The following MSRA variants were observed in gnomAD, a reference collection of about 807,000 sequenced individuals.
MSRA encodes the protein mitochondrial peptide methionine sulfoxide reductase.
A neutral mutation model predicts 31.3 loss-of-function variants in MSRA; 54 were observed. The observed-to-expected ratio is 1.73, with a 90% CI of 1.39 to 2.17. MSRA has a LOEUF of 2.17. MSRA is among the 30% of genes most tolerant of loss of function. MSRA has a pLI of 0.00. For missense variants in MSRA, 507 were observed against 300.9 expected (o/e 1.69, Z -5.07); for synonymous variants, 169 against 116.5 (o/e 1.45, Z -2.90).
intron 3 of MSRA, among the ~76,000 whole-genome samples, chr8:10,260,502 A>G (rs1479984761): frequency 2.0e-5 from 3 of 152,200 alleles, no homozygotes; most frequent in African/African-American, 7.2e-5. Flanking sequence ...ACAGGCACAG[A>G]TGGACTGGTC....
chr8:10,182,424 T>C (rs1006316152), intron 1 of MSRA, among the ~76,000 whole-genome samples: 7 of 152,102 alleles, frequency 4.6e-5, no homozygotes, highest in African/African-American at 1.7e-4. Context: ...CTCAGCTGGG[T>C]CCTCTACTTC....
At chr8:10,081,117 C>T (rs1798271398) in intron 1 of MSRA, among the ~76,000 whole-genome samples, 2 of 152,206 alleles carry the variant, frequency 1.3e-5, no homozygotes, top group Non-Finnish European at 2.9e-5. Flanking sequence ...GTCTGGGCTG[C>T]ACACGTGGTC....
intron 2 of MSRA, among the ~76,000 whole-genome samples, chr8:10,213,416 A>G (rs1809691534): frequency 7.3e-6 from 1 of 136,210 alleles, no homozygotes; most frequent in African/African-American, 2.6e-5. Context: ...TCCATTGTGT[A>G]CATGTACCAC....
At position 10,427,676 on chromosome 8, in the gene MSRA, G is replaced by T. The variant is rs535687294; in HGVS notation, c.544-472G>T. On this transcript the variant is annotated intron_variant, in intron 5 of 5. Coordinates refer to ENST00000317173, the MANE Select transcript of MSRA (RefSeq NM_012331.5). ...AGATGCGATAGTGCCAGGTAGAGCTGCAGCCATTCTGTCCATCCCTACCCT... is the reference window on the plus strand; with the variant it reads ...AGATGCGATAGTGCCAGGTAGAGCTTCAGCCATTCTGTCCATCCCTACCCT... Among the ~76,000 whole-genome samples the T allele has an allele frequency of 3.3e-5, 5 of 152,298 alleles. No homozygotes were observed. The South Asian group carries it at 1.0e-3, about 32-fold the overall frequency.
intron 1 of MSRA, among the ~76,000 whole-genome samples, chr8:10,075,106 G>C (rs968794685): frequency 3.9e-5 from 6 of 152,014 alleles, no homozygotes; most frequent in Admixed American, 3.9e-4. Flanking sequence ...TTCATATATT[G>C]TCTTTTTATT....
chr8:10,220,250 C>A (rs1158738501), intron 2 of MSRA, among the ~76,000 whole-genome samples: 1 of 152,220 alleles, frequency 6.6e-6, no homozygotes, highest in African/African-American at 2.4e-5. Context: ...ACCAAGTTTC[C>A]TTGCTGAGCT....
At position 10,390,725 on chromosome 8, in the gene MSRA, G is replaced by A. The variant is rs185766535; in HGVS notation, c.544-37423G>A. 2.7e-3 allele frequency among the ~76,000 whole-genome samples: 410 copies of A among 152,272 alleles called. 4 individuals are homozygous for A. Among genetic ancestry groups the A allele is most frequent in the Admixed American group, 7.8e-3 (120 of 15,302 alleles). ...TTACCTCATTTAACCCTGATGAGGG[G>A]ATGGGCACTGACTCCATTCCAAAGG... On this transcript the variant is annotated intron_variant, in intron 5 of 5. Coordinates refer to ENST00000317173, the MANE Select transcript of MSRA (RefSeq NM_012331.5).
At chr8:10,394,285 G>A (rs529185890) in intron 5 of MSRA, among the ~76,000 whole-genome samples, 5 of 152,236 alleles carry the variant, frequency 3.3e-5, no homozygotes, top group African/African-American at 4.8e-5. Context: ...CCCCAGCGAC[G>A]ATAGTTTGTA....
chr8:10,325,464 T>A, intron 5 of MSRA, among the ~76,000 whole-genome samples: 1 of 152,094 alleles, frequency 6.6e-6, no homozygotes, highest in Non-Finnish European at 1.5e-5. Context: ...ATCTTAGGTG[T>A]TTATCTGTGT....
At chr8:10,056,930 G>C (rs1384723222) in intron 1 of MSRA, among the ~76,000 whole-genome samples, 1 of 152,174 alleles carries the variant, frequency 6.6e-6, no homozygotes, top group Non-Finnish European at 1.5e-5. Context: ...AGTGCGTTTA[G>C]ATAAGCCTAG....
intron 5 of MSRA, among the ~76,000 whole-genome samples, chr8:10,385,330 TGGAC>T (rs1806319785): frequency 6.6e-6 from 1 of 152,156 alleles, no homozygotes; most frequent in African/African-American, 2.4e-5. Context: ...TTACTAAAAT[TGGAC>T]AACGCAGGGA....
intron 5 of MSRA, among the ~76,000 whole-genome samples, chr8:10,392,898 A>C (rs1395187639): frequency 2.6e-5 from 2 of 76,118 alleles, no homozygotes; most frequent in Non-Finnish European, 7.5e-5. Flanking sequence ...TGCAAAAAAA[A>C]AAAAAAAAAA....
chr8:10,244,461 G>A (rs1374534491), intron 2 of MSRA, among the ~76,000 whole-genome samples: 1 of 152,134 alleles, frequency 6.6e-6, no homozygotes, highest in Non-Finnish European at 1.5e-5. Flanking sequence ...TTGTGAGTTT[G>A]TTTATTGTTG....
At chr8:10,130,164 C>G (rs1468810476) in intron 1 of MSRA, among the ~76,000 whole-genome samples, 1 of 152,216 alleles carries the variant, frequency 6.6e-6, no homozygotes, top group African/African-American at 2.4e-5. Context: ...CCCTTATCCT[C>G]ACCAATAGAG....
chr8:10,398,869 G>C (rs1044920826), intron 5 of MSRA, among the ~76,000 whole-genome samples: 1 of 152,190 alleles, frequency 6.6e-6, no homozygotes, highest in Non-Finnish European at 1.5e-5. Context: ...ATTTTGCTTT[G>C]AAAATAGCAT....
intron 1 of MSRA, among the ~76,000 whole-genome samples, chr8:10,178,116 G>A (rs1409656560): frequency 6.6e-6 from 1 of 152,104 alleles, no homozygotes; most frequent in Non-Finnish European, 1.5e-5. Flanking sequence ...TTATATCAGA[G>A]CAAGAAATCT....
intron 1 of MSRA, among the ~76,000 whole-genome samples, chr8:10,121,625 G>A (rs1410326178): frequency 1.3e-5 from 2 of 152,118 alleles, no homozygotes; most frequent in African/African-American, 4.8e-5. Flanking sequence ...TGAAGGGAAA[G>A]AAGAGAGGCA....
chr8:10,407,242 C>T (rs1181851832), intron 5 of MSRA, among the ~76,000 whole-genome samples: 2 of 152,198 alleles, frequency 1.3e-5, no homozygotes, highest in African/African-American at 4.8e-5. Context: ...ATCTCACAAC[C>T]AGAGGTGGAT....
chr8:10,283,836 T>TACACACACACACACACAC (rs372503609), intron 3 of MSRA, among the ~76,000 whole-genome samples: 20 of 53,160 alleles, frequency 3.8e-4, no homozygotes, highest in Admixed American at 1.0e-3. Context: ...TATATATATA[T>TACACACACACACACACAC]ACACACACAC....
Sources: gnomAD v4.1 joint callset for allele counts (sites outside exome capture counted in the v4.1 genomes callset) on GRCh38, gnomAD v4.1.1 for gene constraint, MANE v1.5 for transcripts, NCBI Gene and HGNC (gene_info 2026-07-23, HGNC 2026-07-21) for gene names.